SLC16A10: variants seen among roughly 807,000 people sequenced by gnomAD.
SLC16A10 encodes the protein solute carrier family 16 member 10.
In SLC16A10, 27 loss-of-function variants were observed where a neutral mutation model predicts 40.0. That is an observed-to-expected ratio of 0.67 (90% CI 0.50 to 0.93). The LOEUF (loss-of-function observed/expected upper bound fraction) is 0.93. Ranked by LOEUF, SLC16A10 falls within the 40% of genes least tolerant of loss-of-function variation. The pLI is 0.00. For missense variants in SLC16A10, 529 were observed against 658.2 expected, an observed-to-expected ratio of 0.80 and a Z score of 2.15; for synonymous variants, 213 against 249.8, an observed-to-expected ratio of 0.85 and a Z score of 1.39.
rs79950357 is a variant in SLC16A10 at position 111,224,384 on chromosome 6, T to A, written c.*2149T>A. On this transcript the variant is annotated 3_prime_UTR_variant, in exon 6 of 6. Transcript: ENST00000368851. ...TAAAGACCTCTACAGTGTTTTTCTTTTCAAAATTTGGCTGATTTTAGGAAA... is the reference window on the plus strand; with the variant it reads ...TAAAGACCTCTACAGTGTTTTTCTTATCAAAATTTGGCTGATTTTAGGAAA... The A allele has an allele frequency of 2.0e-5, 3 of 152,248 alleles. No individual in the cohort carries two copies. The highest frequency in any genetic ancestry group is 2.9e-5 in the Non-Finnish European group (2 of 68,048). The allele number at this position is 152,248 out of a possible 1,614,324, so 9.4% of individuals were successfully genotyped here.
chr6:111,113,472 TG>T (rs1257610062), intron 1 of SLC16A10, among the ~76,000 whole-genome samples: 2 of 152,276 alleles, frequency 1.3e-5, no homozygotes, highest in Non-Finnish European at 2.9e-5. Flanking sequence ...GGGTTTTTTT[TG>T]TTGTTGTTTG....
At chr6:111,118,308 G>A (rs1044546944) in intron 1 of SLC16A10, among the ~76,000 whole-genome samples, 86 of 152,142 alleles carry the variant, frequency 5.7e-4, no homozygotes, top group African/African-American at 2.0e-3. Flanking sequence ...AGTATAACCC[G>A]CTCAATAAAT....
chr6:111,098,427 G>A (rs974559050), intron 1 of SLC16A10, among the ~76,000 whole-genome samples: 11 of 152,266 alleles, frequency 7.2e-5, no homozygotes, highest in African/African-American at 2.6e-4. Context: ...ATTAAAAAGT[G>A]TAGTAAAATT....
At position 111,206,738 on chromosome 6, in the gene SLC16A10, A is replaced by G. The variant is rs372191084; in HGVS notation, c.1086+3A>G. Reference sequence around the variant, plus strand: ...GTGTGAAGAAGGTTTATCTACAGGTACTTTTTTACACCTTTTTTCCCCTAT... The same window carrying G: ...GTGTGAAGAAGGTTTATCTACAGGTGCTTTTTTACACCTTTTTTCCCCTAT... On this transcript the variant is annotated splice_donor_region_variant and intron_variant, in intron 4 of 5. Transcript: ENST00000368851. The G allele has an allele frequency of 4.0e-5, 65 of 1,611,338 alleles. No individual in the cohort carries two copies. The African/African-American group carries it at 8.0e-4, about 20-fold the overall frequency.
chr6:111,218,398 G>A (rs148242335), intron 4 of SLC16A10, among the ~76,000 whole-genome samples: 2,272 of 152,204 alleles, frequency 0.015, 26 homozygotes, highest in South Asian at 0.047. Context: ...GCCCAACATG[G>A]GGAAGCCCCA....
intron 3 of SLC16A10, among the ~76,000 whole-genome samples, chr6:111,190,094 G>C (rs2114563830): frequency 6.6e-6 from 1 of 152,296 alleles, no homozygotes; most frequent in Admixed American, 6.5e-5. Flanking sequence ...GATACAATAG[G>C]GGTACATGCA....
intron 1 of SLC16A10, among the ~76,000 whole-genome samples, chr6:111,118,021 T>C (rs1457308222): frequency 6.6e-6 from 1 of 152,164 alleles, no homozygotes; most frequent in Non-Finnish European, 1.5e-5. Context: ...TGTTAAGTTA[T>C]AGAATTTTTA....
chr6:111,163,238 C>T (rs553662886), intron 1 of SLC16A10, among the ~76,000 whole-genome samples: 20 of 148,356 alleles, frequency 1.3e-4, no homozygotes, highest in East Asian at 3.9e-4. Flanking sequence ...CTGCAAGCTC[C>T]GCCTCCCGGG....
rs147601486 is a variant in SLC16A10 at position 111,174,641 on chromosome 6, T to C, written c.488+1802T>C. Among the ~76,000 whole-genome samples, 174 of 152,306 alleles carry C rather than the reference T, an allele frequency of 1.1e-3. 1 individual carries two copies. The highest frequency in any genetic ancestry group is 4.1e-3 in the African/African-American group (169 of 41,574). ...AACATAATATTTACATTATTATTAA[T>C]GTAATTAATGTTATTAATACCTCAT... On this transcript the variant is annotated intron_variant, in intron 2 of 5. Transcript: ENST00000368851.
At chr6:111,125,616 T>A (rs559425662) in intron 1 of SLC16A10, among the ~76,000 whole-genome samples, 1 of 152,334 alleles carries the variant, frequency 6.6e-6, no homozygotes, top group Admixed American at 6.5e-5. Flanking sequence ...TTTTCTGTGG[T>A]TAAATAAATA....
intron 2 of SLC16A10, 119 bp from the exon 3 acceptor site, chr6:111,177,093 T>A: frequency 1.5e-6 from 1 of 666,560 alleles, no homozygotes; most frequent in Non-Finnish European, 2.2e-6. Flanking sequence ...TTTGGTTAAC[T>A]TTTACTTGTA....
At chr6:111,213,804 G>A (rs1033856144) in intron 4 of SLC16A10, among the ~76,000 whole-genome samples, 1 of 152,232 alleles carries the variant, frequency 6.6e-6, no homozygotes, top group Non-Finnish European at 1.5e-5. Context: ...CCAGCCACCT[G>A]CTGTGTGGCC....
intron 1 of SLC16A10, among the ~76,000 whole-genome samples, chr6:111,089,621 C>A (rs1770936147): frequency 6.6e-6 from 1 of 152,072 alleles, no homozygotes; most frequent in African/African-American, 2.4e-5. Context: ...CATATCCTTA[C>A]CATTTAAGGG....
At position 111,153,008 on chromosome 6, in the gene SLC16A10, T is replaced by G. The variant is rs79655235; in HGVS notation, c.344-19687T>G. Among the ~76,000 whole-genome samples, 1,155 of 152,148 alleles carry G rather than the reference T, an allele frequency of 7.6e-3. 11 individuals are homozygous for G. Among genetic ancestry groups the G allele is most frequent in the Non-Finnish European group, 0.013 (864 of 67,990 alleles). On this transcript the variant is annotated intron_variant, in intron 1 of 5. Coordinates refer to ENST00000368851, the MANE Select transcript of SLC16A10 (RefSeq NM_018593.5). ...AATGCACAGGGTAAAGAACTTTGAG[T>G]CAGTGACAATGAGTGGCAATGGTGG...
intron 1 of SLC16A10, among the ~76,000 whole-genome samples, chr6:111,126,809 G>A (rs1771683697): frequency 6.6e-6 from 1 of 152,136 alleles, no homozygotes; most frequent in Admixed American, 6.5e-5. Flanking sequence ...TTATGAACCA[G>A]ACCAGAATAC....
chr6:111,211,865 G>T (rs561481000), intron 4 of SLC16A10, among the ~76,000 whole-genome samples: 1 of 152,280 alleles, frequency 6.6e-6, no homozygotes, highest in Admixed American at 6.5e-5. Flanking sequence ...CTCCATCCCT[G>T]GCTCTCTGCC....
At chr6:111,188,143 T>C (rs1479514337) in intron 3 of SLC16A10, among the ~76,000 whole-genome samples, 2 of 152,158 alleles carry the variant, frequency 1.3e-5, no homozygotes, top group Non-Finnish European at 2.9e-5. Flanking sequence ...AGTTGCCCTA[T>C]CTCAGTCAGC....
In SLC16A10 at chr6:111,088,115, G is replaced by A. The variant is rs1333868967; in HGVS notation, c.343+20G>A. On this transcript the variant is annotated intron_variant, in intron 1 of 5. Transcript: ENST00000368851. ...AGACAGGTGAGGCGCGGCGCCCGCC[G>A]AGGCCAGCCTGGGCGACCCGCGTGG... 6.3e-7 allele frequency: 1 copy of A among 1,588,602 alleles called. No individual in the cohort carries two copies.
At chr6:111,138,255 T>A (rs904363662) in intron 1 of SLC16A10, among the ~76,000 whole-genome samples, 1 of 152,198 alleles carries the variant, frequency 6.6e-6, no homozygotes, top group Non-Finnish European at 1.5e-5. Context: ...AATGAATAAA[T>A]AAGTGGGTAG....
Sources: gnomAD v4.1 joint callset for allele counts (sites outside exome capture counted in the v4.1 genomes callset) on GRCh38, gnomAD v4.1.1 for gene constraint, MANE v1.5 for transcripts, NCBI Gene and HGNC (gene_info 2026-07-23, HGNC 2026-07-21) for gene names.